Variants in PRDM5 observed in about 807,000 individuals in gnomAD.
PRDM5 encodes the protein PR domain zinc finger protein 5.
PRDM5 carries 56 observed loss-of-function variants against 81.2 expected under a neutral mutation model. That is an observed-to-expected ratio of 0.69 (90% confidence interval 0.56 to 0.86). The LOEUF (loss-of-function observed/expected upper bound fraction) is 0.86, where lower values mean the gene tolerates loss of function less well. Ranked by LOEUF, PRDM5 falls within the 40% of genes least tolerant of loss-of-function variation. The probability of loss-of-function intolerance (pLI) is 0.00; values close to 1 mark genes in which losing one functional copy is unlikely to be tolerated. For missense variants in PRDM5, 697 were observed against 770.1 expected, an observed-to-expected ratio of 0.91 and a Z score of 1.12; for synonymous variants, 267 against 256.4, an observed-to-expected ratio of 1.04 and a Z score of -0.39.
chr4:120,705,510 T>G (rs1273532123), intron 15 of PRDM5, among the ~76,000 whole-genome samples: 1 of 151,976 alleles, frequency 6.6e-6, no homozygotes, highest in Non-Finnish European at 1.5e-5. Flanking sequence ...AAGGCCAAGA[T>G]GTAGATTCAG....
chr4:120,889,900 C>T (rs913123565), intron 2 of PRDM5, among the ~76,000 whole-genome samples: 1 of 152,152 alleles, frequency 6.6e-6, no homozygotes, highest in African/African-American at 2.4e-5. Flanking sequence ...TTTTTTATGG[C>T]TGCATAGTAT....
At chr4:120,806,158 T>C (rs10027904) in intron 8 of PRDM5, among the ~76,000 whole-genome samples, 1 of 152,166 alleles carries the variant, frequency 6.6e-6, no homozygotes, top group African/African-American at 2.4e-5. Context: ...GAAGGACCTC[T>C]TCAAGGAGAA....
intron 9 of PRDM5, among the ~76,000 whole-genome samples, chr4:120,798,684 C>T (rs183341380): frequency 7.7e-4 from 118 of 152,270 alleles, no homozygotes; most frequent in African/African-American, 2.6e-3. Flanking sequence ...CAAGGAAGGA[C>T]TCCTATTTCC....
At chr4:120,752,265 CA>C (rs1386357265) in intron 14 of PRDM5, among the ~76,000 whole-genome samples, 1 of 143,880 alleles carries the variant, frequency 7.0e-6, no homozygotes, top group East Asian at 2.1e-4. Context: ...ACAGGATTTT[CA>C]AAATAAAACT....
At chr4:120,784,287 T>C (rs1279400076) in intron 11 of PRDM5, among the ~76,000 whole-genome samples, 1 of 152,086 alleles carries the variant, frequency 6.6e-6, no homozygotes, top group Non-Finnish European at 1.5e-5. Context: ...GGTGCGTATG[T>C]ATGAAACTTA....
At chr4:120,769,156 T>C (rs191142738) in intron 13 of PRDM5, among the ~76,000 whole-genome samples, 17 of 152,340 alleles carry the variant, frequency 1.1e-4, no homozygotes, top group African/African-American at 3.1e-4. Context: ...ATACAGGTAA[T>C]GCAACCCACT....
At chr4:120,820,776 T>A (rs915598330) in intron 4 of PRDM5, among the ~76,000 whole-genome samples, 1 of 152,238 alleles carries the variant, frequency 6.6e-6, no homozygotes, top group Non-Finnish European at 1.5e-5. Flanking sequence ...TTTTCCTATA[T>A]GCAGATGAGA....
At position 120,858,385 on chromosome 4, in the gene PRDM5, T is replaced by A. The variant is rs139958194; in HGVS notation, c.178-4845A>T. ...GCAAGTGTGCTCAAGTAGTCAATTC[T>A]GACGGCACATTGTTTGTCAGATTTA... is the stretch of plus-strand genomic sequence containing the variant. On this transcript the variant is annotated intron_variant, in intron 2 of 15. Coordinates refer to ENST00000264808, the MANE Select transcript of PRDM5 (RefSeq NM_018699.4). Among the ~76,000 whole-genome samples, 313 of 150,190 alleles carry A rather than the reference T, an allele frequency of 2.1e-3. 2 individuals carry two copies. Among genetic ancestry groups the A allele is most frequent in the African/African-American group, 7.1e-3 (294 of 41,500 alleles).
At chr4:120,762,124 A>C (rs1745707533) in intron 13 of PRDM5, among the ~76,000 whole-genome samples, 1 of 152,182 alleles carries the variant, frequency 6.6e-6, no homozygotes, top group South Asian at 2.1e-4. Context: ...AATATATTTC[A>C]AAAACCAACG....
intron 8 of PRDM5, among the ~76,000 whole-genome samples, chr4:120,800,048 T>A (rs1751912443): frequency 6.6e-6 from 1 of 152,218 alleles, no homozygotes; most frequent in Non-Finnish European, 1.5e-5. Flanking sequence ...ATATAGTAAC[T>A]CTTCTGTTAT....
intron 13 of PRDM5, among the ~76,000 whole-genome samples, chr4:120,773,963 A>G (rs1427341631): frequency 6.6e-6 from 1 of 152,248 alleles, no homozygotes; most frequent in African/African-American, 2.4e-5. Flanking sequence ...CTATAAAAAT[A>G]TGTATGCTAA....
At chr4:120,889,147 G>T (rs757342788) in intron 2 of PRDM5, among the ~76,000 whole-genome samples, 2 of 151,990 alleles carry the variant, frequency 1.3e-5, no homozygotes, top group Middle Eastern at 3.4e-3. Context: ...CTGTCTTTAC[G>T]TTCATAAAAG....
intron 13 of PRDM5, among the ~76,000 whole-genome samples, chr4:120,771,629 C>T (rs532473723): frequency 9.2e-5 from 14 of 151,954 alleles, no homozygotes; most frequent in South Asian, 2.1e-4. Context: ...ATTATATCTA[C>T]GAAACTAAGT....
chr4:120,816,205 A>T, intron 7 of PRDM5: 1 of 568,848 alleles, frequency 1.8e-6, no homozygotes. Context: ...CCCAAACATA[A>T]CTAGACTTTA....
chr4:120,901,517 C>T (rs4001078), intron 2 of PRDM5, among the ~76,000 whole-genome samples: 8,887 of 152,228 alleles, frequency 0.058, 355 homozygotes, highest in South Asian at 0.084. Flanking sequence ...GTGACGCACA[C>T]GGCTCTCACA....
At chr4:120,743,269 C>T (rs1184222046) in intron 14 of PRDM5, among the ~76,000 whole-genome samples, 1 of 151,348 alleles carries the variant, frequency 6.6e-6, no homozygotes, top group Non-Finnish European at 1.5e-5. Context: ...TAAAAGAGCT[C>T]CTGAAGGAAG....
intron 11 of PRDM5, among the ~76,000 whole-genome samples, chr4:120,783,327 T>G (rs1017948824): frequency 6.6e-6 from 1 of 152,094 alleles, no homozygotes; most frequent in Non-Finnish European, 1.5e-5. Flanking sequence ...TCACGATGCA[T>G]CTTCATAAAG....
At chr4:120,877,503 A>G (rs1762428654) in intron 2 of PRDM5, among the ~76,000 whole-genome samples, 1 of 152,178 alleles carries the variant, frequency 6.6e-6, no homozygotes, top group Non-Finnish European at 1.5e-5. Context: ...TAGAAGAATA[A>G]TTTATATTAA....
In PRDM5 at chr4:120,731,351, A is replaced by G. The variant is rs371313697; in HGVS notation, c.1624-20938T>C. 4.6e-5 allele frequency among the ~76,000 whole-genome samples: 7 copies of G among 151,790 alleles called. No individual in the cohort carries two copies. In the East Asian group the frequency reaches 1.4e-3, roughly 29 times the overall value. ...GAAAATGATGGAGGAGGCAATTTCA[A>G]TTAAACAGAGGTCTTCTTTTTTTTT... On this transcript the variant is annotated intron_variant, in intron 14 of 15. Coordinates refer to ENST00000264808, the MANE Select transcript of PRDM5 (RefSeq NM_018699.4).
Sources: gnomAD v4.1 joint callset for allele counts (sites outside exome capture counted in the v4.1 genomes callset) on GRCh38, gnomAD v4.1.1 for gene constraint, MANE v1.5 for transcripts, NCBI Gene and HGNC (gene_info 2026-07-23, HGNC 2026-07-21) for gene names.